Variants in STARD9 observed in about 807,000 individuals in gnomAD.
The protein encoded by STARD9 is stAR-related lipid transfer protein 9.
Under a neutral mutation model 399.8 loss-of-function variants are expected in STARD9, and 346 were observed. The ratio of observed to expected loss-of-function variants is 0.87; its 90% confidence interval spans 0.79 to 0.95. STARD9 has a LOEUF of 0.95. Among genes scored for constraint, STARD9 ranks in the 40% least tolerant of loss-of-function variants. The pLI is 0.00. For synonymous variants in STARD9, 2,203 were observed against 2,143.5 expected (o/e 1.03, Z -0.77); for missense variants, 5,832 against 5,667.5 (o/e 1.03, Z -0.93).
chr15:42,628,994 A>G lies in STARD9; in HGVS notation c.235-5862A>G, dbSNP rs114876104. Among the ~76,000 whole-genome samples the G allele has an allele frequency of 7.3e-3, 1,105 of 152,170 alleles. 14 individuals are homozygous for G. Among genetic ancestry groups the G allele is most frequent in the African/African-American group, 0.025 (1,047 of 41,508 alleles). ...TCATTGGTATTTTGGTAGAGATTGC[A>G]AGTATTTCTCATACTACCCCAGTTA... is the stretch of plus-strand genomic sequence containing the variant. On this transcript the variant is annotated intron_variant, in intron 3 of 32. Transcript: ENST00000290607.
chr15:42,656,738 G>T (rs142547271), intron 9 of STARD9, among the ~76,000 whole-genome samples: 1 of 152,092 alleles, frequency 6.6e-6, no homozygotes, highest in Non-Finnish European at 1.5e-5. Flanking sequence ...AAAACCAAAC[G>T]TATCTTCTCA....
intron 1 of STARD9, among the ~76,000 whole-genome samples, chr15:42,580,847 T>C (rs567177564): frequency 1.3e-5 from 2 of 152,118 alleles, no homozygotes; most frequent in Admixed American, 6.5e-5. Flanking sequence ...AGAGTTTAAC[T>C]GTTTTCCTCT....
At chr15:42,589,271 T>C (rs1452405698) in intron 3 of STARD9, among the ~76,000 whole-genome samples, 1 of 152,216 alleles carries the variant, frequency 6.6e-6, no homozygotes, top group Admixed American at 6.5e-5. Context: ...AGGCTGGTCT[T>C]GAGCTCCTGG....
rs1303507074 is a variant in STARD9, at chr15:42,689,288, CA to C, written c.7711del (p.Arg2571GlyfsTer12). On this transcript the variant is annotated frameshift_variant, in exon 23 of 33. Coordinates refer to ENST00000290607, the MANE Select transcript of STARD9 (RefSeq NM_020759.3). LOFTEE classifies it high-confidence loss of function. ...QRKQLHDFVARGTVLSYCETL... is the reference protein window; with the variant it reads ...QRKQLHDFVAXGTVLSYCETL... ...GAAAGCAGCTTCATGACTTTGTGGC[CA>C]GGGGCACAGTCCTTTCTTACTGTGA... is the stretch of plus-strand genomic sequence containing the variant. 4 of 1,537,228 alleles carry C rather than the reference CA, an allele frequency of 2.6e-6. No homozygotes were observed. Among genetic ancestry groups the C allele is most frequent in the Non-Finnish European group, 3.5e-6 (4 of 1,146,910 alleles).
At chr15:42,698,788 C>T (rs1397591673) in intron 26 of STARD9, among the ~76,000 whole-genome samples, 1 of 151,824 alleles carries the variant, frequency 6.6e-6, no homozygotes, top group East Asian at 1.9e-4. Context: ...AATCTTTGTT[C>T]CTTTTGGAGT....
Position 42,686,445 on chromosome 15 carries a change from G to C in STARD9, c.4867G>C (p.Glu1623Gln). 2 of 1,537,798 alleles carry C rather than the reference G, an allele frequency of 1.3e-6. No individual in the cohort carries two copies. The highest frequency in any genetic ancestry group is 1.7e-6 in the Non-Finnish European group (2 of 1,147,040). Residue 1623 changes from glutamate (E) to glutamine (Q), a missense_variant, in exon 23 of 33, where the codon GAA becomes CAA. Physicochemically the swap from Glu to Gln is conservative, Grantham distance 29. This residue lies in a region of STARD9 where 5,828 missense variants were observed against 5,651.1 expected (regional missense o/e 1.03). Coordinates refer to ENST00000290607, the MANE Select transcript of STARD9 (RefSeq NM_020759.3). ...ACCAGATTCCATGACAGAAGCATGT[G>C]AAGTCAAGCAGAACAACTTGGAAGA... is the stretch of plus-strand genomic sequence containing the variant. ...AIPDSMTEAC[E>Q]VKQNNLEECL...
At position 42,689,184 on chromosome 15, in the gene STARD9, C is replaced by A; in HGVS notation, c.7606C>A (p.Pro2536Thr). The change falls in exon 23 of 33, where the codon CCT becomes ACT. Residue 2536 changes from proline (P) to threonine (T), a missense_variant. Pro to Thr is a conservative substitution (Grantham distance 38, BLOSUM62 -1). This residue lies in a region of STARD9 where 5,828 missense variants were observed against 5,651.1 expected (regional missense o/e 1.03). Coordinates refer to ENST00000290607, the MANE Select transcript of STARD9 (RefSeq NM_020759.3). Reference sequence around the variant, plus strand: ...CCTGCCGAGGGTGCCCAGTCCAGAGCCTAGGCTGTTGGAGCCCTCTGACCA... The same window carrying A: ...CCTGCCGAGGGTGCCCAGTCCAGAGACTAGGCTGTTGGAGCCCTCTGACCA... ...VSLPRVPSPE[P>T]RLLEPSDHAS... is the part of the protein sequence containing the mutation. The A allele has an allele frequency of 6.5e-7, 1 of 1,537,270 alleles. No homozygotes were observed.
At chr15:42,714,126 G>C (rs1266906333) in intron 26 of STARD9, among the ~76,000 whole-genome samples, 3 of 145,448 alleles carry the variant, frequency 2.1e-5, no homozygotes, top group African/African-American at 5.2e-5. Context: ...GCAGTGGTGC[G>C]ATCTCAGCTC....
Position 42,592,530 on chromosome 15 carries a change from C to T in STARD9, c.234+6893C>T, listed in dbSNP as rs866593735. ...TGCGATCTTAGCTCACTGCAATCTC[C>T]GCCTTCCGGTTTCTAGCAATTCTCC... On this transcript the variant is annotated intron_variant, in intron 3 of 32. Transcript: ENST00000290607. 9.3e-4 allele frequency among the ~76,000 whole-genome samples: 141 copies of T among 152,070 alleles called. 1 individual carries two copies. Among genetic ancestry groups the T allele is most frequent in the African/African-American group, 2.6e-3 (108 of 41,406 alleles).
At chr15:42,615,713 A>AT (rs1375001272) in intron 3 of STARD9, among the ~76,000 whole-genome samples, 1 of 151,078 alleles carries the variant, frequency 6.6e-6, no homozygotes, top group Non-Finnish European at 1.5e-5. Flanking sequence ...TGAAAAGGAG[A>AT]TTAAAAAAAA....
At chr15:42,636,044 T>A (rs1187014076) in intron 4 of STARD9, among the ~76,000 whole-genome samples, 1 of 152,152 alleles carries the variant, frequency 6.6e-6, no homozygotes, top group African/African-American at 2.4e-5. Context: ...ACCTATAATC[T>A]CAACACTTTG....
intron 3 of STARD9, among the ~76,000 whole-genome samples, chr15:42,610,633 C>T (rs190069634): frequency 5.4e-4 from 83 of 152,324 alleles, no homozygotes; most frequent in African/African-American, 1.9e-3. Context: ...ACTGCAACCT[C>T]CGCCGCCCGG....
At chr15:42,719,358 CA>C in intron 32 of STARD9, 114 bp from the exon 33 acceptor site, 1 of 680,308 alleles carries the variant, frequency 1.5e-6, no homozygotes, top group Non-Finnish European at 2.5e-6. Context: ...CACCAAACCA[CA>C]ATCTGAGGTG....
rs1327285689 is a variant in STARD9 at position 42,585,586 on chromosome 15, C to T, written c.183C>T (p.Tyr61=). 1 of 1,537,184 alleles carries T rather than the reference C, an allele frequency of 6.5e-7. No individual in the cohort carries two copies. The highest frequency in any genetic ancestry group is 1.2e-5 in the South Asian group (1 of 84,052). The part of the protein sequence containing the change: ...REKVMAFGFD[Y]CYWSVNPEDP... ...AGGTTATGGCATTTGGCTTTGATTACTGCTACTGGTCAGTCAACCCAGAGG... is the reference window on the plus strand; with the variant it reads ...AGGTTATGGCATTTGGCTTTGATTATTGCTACTGGTCAGTCAACCCAGAGG... The change falls in exon 3 of 33, where the codon TAC becomes TAT. Residue 61 remains tyrosine (Y), a synonymous_variant. Coordinates refer to ENST00000290607, the MANE Select transcript of STARD9 (RefSeq NM_020759.3).
intron 12 of STARD9, 91 bp from the exon 13 acceptor site, chr15:42,663,729 T>G: frequency 9.8e-7 from 1 of 1,024,360 alleles, no homozygotes; most frequent in South Asian, 1.4e-5. Flanking sequence ...ATCAGGGGTC[T>G]TATACAGCAT....
chr15:42,660,146 T>A (rs1236776281), intron 9 of STARD9, among the ~76,000 whole-genome samples: 1 of 152,172 alleles, frequency 6.6e-6, no homozygotes, highest in East Asian at 1.9e-4. Flanking sequence ...AAGGTAGACT[T>A]ACAGACATAG....
rs760786175 is a variant in STARD9, at chr15:42,693,168, C to T, written c.11590C>T (p.Pro3864Ser). The change falls in exon 23 of 33, where the codon CCT becomes TCT. Residue 3864 changes from proline (P) to serine (S), a missense_variant. Coordinates refer to ENST00000290607, the MANE Select transcript of STARD9 (RefSeq NM_020759.3). ...TGTCAGCAGTCCCAGTCCCAGCTCC[C>T]CTCATTCCCCAGGGCTCTTTCCCAG... is the stretch of plus-strand genomic sequence containing the variant. Reference protein sequence around the residue: ...LVVSSPSPSSPHSPGLFPSTS... With the variant: ...LVVSSPSPSSSHSPGLFPSTS... 1.2e-5 allele frequency: 18 copies of T among 1,537,050 alleles called. No homozygotes were observed. The African/African-American group carries it at 2.5e-4, about 21-fold the overall frequency.
At chr15:42,669,053 TAAGA>T (rs1308792712) in intron 15 of STARD9, 101 bp from the exon 16 acceptor site, 10 of 994,212 alleles carry the variant, frequency 1.0e-5, no homozygotes, top group African/African-American at 1.6e-5. Context: ...GGGAGGATCA[TAAGA>T]AAGCAGTACC....
chr15:42,691,007 C>G lies in STARD9; in HGVS notation c.9429C>G (p.Thr3143=), dbSNP rs2060680850. The G allele has an allele frequency of 6.5e-7, 1 of 1,537,032 alleles. No homozygotes were observed. Among genetic ancestry groups the G allele is most frequent in the South Asian group, 1.2e-5 (1 of 84,054 alleles). Residue 3143 remains threonine, a synonymous_variant, in exon 23 of 33, where the codon ACC becomes ACG. Coordinates refer to ENST00000290607, the MANE Select transcript of STARD9 (RefSeq NM_020759.3). The part of the protein sequence containing the change: ...EPPATTQGPH[T]LDLSEGSAES... ...CTGCAACAACTCAGGGACCACACAC[C>G]CTGGATTTAAGTGAAGGGTCTGCTG...
Sources: allele counts gnomAD v4.1 joint callset (sites outside exome capture counted in the v4.1 genomes callset), GRCh38; gene constraint gnomAD v4.1.1; regional missense constraint gnomAD v4.1.1; transcripts MANE v1.5; gene names NCBI Gene and HGNC (gene_info 2026-07-23, HGNC 2026-07-21).